GRIK2: variants seen among roughly 807,000 people sequenced by gnomAD.
GRIK2 encodes glutamate ionotropic receptor kainate type subunit 2.
Under a neutral mutation model 100.3 loss-of-function variants are expected in GRIK2, and 32 were observed. That is an observed-to-expected ratio of 0.32 (90% CI 0.24 to 0.43). The LOEUF is 0.43. GRIK2 is among the 20% of genes least tolerant of loss of function. The pLI is 1.00. For synonymous variants in GRIK2, 417 were observed against 389.4 expected (o/e 1.07, Z -0.83); for missense variants, 843 against 1,114.9 (o/e 0.76, Z 3.47).
intron 10 of GRIK2, among the ~76,000 whole-genome samples, chr6:101,827,751 T>A (rs945584205): frequency 4.6e-5 from 7 of 152,004 alleles, no homozygotes; most frequent in African/African-American, 7.2e-5. Flanking sequence ...TAAATGCATA[T>A]GTATTCAATA....
chr6:101,914,309 G>A (rs947768474), intron 12 of GRIK2, among the ~76,000 whole-genome samples: 1 of 151,376 alleles, frequency 6.6e-6, no homozygotes, highest in Admixed American at 6.6e-5. Context: ...GGTATGGAGA[G>A]CATGATCAAT....
At chr6:101,801,482 T>C (rs1780665446) in intron 8 of GRIK2, among the ~76,000 whole-genome samples, 1 of 152,042 alleles carries the variant, frequency 6.6e-6, no homozygotes, top group African/African-American at 2.4e-5. Flanking sequence ...TTTAGTAATA[T>C]TAATTTCAAA....
chr6:101,910,092 T>G (rs187675437), intron 12 of GRIK2, among the ~76,000 whole-genome samples: 1 of 151,266 alleles, frequency 6.6e-6, no homozygotes, highest in Admixed American at 6.6e-5. Flanking sequence ...CAGAATCACT[T>G]AAATTATTTT....
chr6:101,572,891 C>T (rs558825032), intron 2 of GRIK2, among the ~76,000 whole-genome samples: 4 of 150,818 alleles, frequency 2.7e-5, no homozygotes, highest in African/African-American at 7.3e-5. Flanking sequence ...CATCCAGGCC[C>T]AGGCTGCACT....
Position 102,062,556 on chromosome 6 carries a change from T to C in GRIK2, c.2563-5791T>C, listed in dbSNP as rs891900391. 4.6e-5 allele frequency among the ~76,000 whole-genome samples: 7 copies of C among 150,762 alleles called. No homozygotes were observed. In the East Asian group the frequency reaches 1.4e-3, roughly 29 times the overall value. The stretch of plus-strand genomic sequence containing the variant: ...TGCTACATGTAAAGTTTCTTTTGAC[T>C]GCTGAATAGCTTATGTAAATAATAA... On this transcript the variant is annotated intron_variant, in intron 16 of 16. Coordinates refer to ENST00000369134, the MANE Select transcript of GRIK2 (RefSeq NM_021956.5).
intron 2 of GRIK2, among the ~76,000 whole-genome samples, chr6:101,567,542 T>C (rs1317250321): frequency 2.0e-5 from 3 of 151,982 alleles, no homozygotes; most frequent in Non-Finnish European, 4.4e-5. Flanking sequence ...AACTTCACAT[T>C]CTGGGCAAAT....
intron 10 of GRIK2, among the ~76,000 whole-genome samples, chr6:101,823,034 C>A (rs1782055655): frequency 6.6e-6 from 1 of 152,152 alleles, no homozygotes. Flanking sequence ...AGATGTGCCT[C>A]CAAATATCTA....
intron 11 of GRIK2, among the ~76,000 whole-genome samples, chr6:101,866,094 G>A (rs756819203): frequency 1.3e-5 from 2 of 152,018 alleles, no homozygotes; most frequent in African/African-American, 4.8e-5. Flanking sequence ...TGTTAACTTT[G>A]CTTCAAGTGT....
chr6:101,846,592 G>A (rs1053399704), intron 10 of GRIK2, among the ~76,000 whole-genome samples: 1 of 152,066 alleles, frequency 6.6e-6, no homozygotes, highest in Non-Finnish European at 1.5e-5. Context: ...AAGGATTGGT[G>A]TTGAATTTTC....
intron 2 of GRIK2, among the ~76,000 whole-genome samples, chr6:101,586,912 A>AAG (rs1419600637): frequency 2.5e-4 from 38 of 149,350 alleles, no homozygotes; most frequent in Admixed American, 6.7e-4. Flanking sequence ...AAAAAAAAAA[A>AAG]AGAGAGATAT....
chr6:101,776,937 G>T (rs975186050), intron 7 of GRIK2, among the ~76,000 whole-genome samples: 10 of 152,158 alleles, frequency 6.6e-5, no homozygotes, highest in African/African-American at 2.4e-4. Flanking sequence ...TTCTAAACTG[G>T]TTCCTTGTTC....
At chr6:101,989,549 ATTAG>A (rs10594811) in intron 14 of GRIK2, among the ~76,000 whole-genome samples, 115,781 of 150,536 alleles carry the variant, frequency 0.77, 44,677 homozygotes, top group South Asian at 0.81. Flanking sequence ...AAGCAGAAAA[ATTAG>A]TTAGTTAATT....
chr6:101,763,858 C>T (rs1353097404), intron 7 of GRIK2, among the ~76,000 whole-genome samples: 1 of 151,068 alleles, frequency 6.6e-6, no homozygotes, highest in Non-Finnish European at 1.5e-5. Flanking sequence ...TTTCCTGGGC[C>T]CTGCAAATTA....
At chr6:101,794,606 A>G (rs1417538638) in intron 7 of GRIK2, among the ~76,000 whole-genome samples, 1 of 151,228 alleles carries the variant, frequency 6.6e-6, no homozygotes, top group African/African-American at 2.4e-5. Flanking sequence ...CTATCTCTTT[A>G]TGGAACTTTT....
intron 12 of GRIK2, among the ~76,000 whole-genome samples, chr6:101,894,756 C>A (rs1340290): frequency 0.12 from 18,083 of 151,548 alleles, 1,188 homozygotes; most frequent in Middle Eastern, 0.21. Flanking sequence ...AAAATGACTC[C>A]ATTAAAATTC....
intron 9 of GRIK2, 112 bp downstream of exon 9, chr6:101,802,550 C>A: frequency 2.3e-6 from 1 of 430,088 alleles, no homozygotes; most frequent in Non-Finnish European, 4.2e-6. Context: ...TTGAGTAACT[C>A]TAAAAATAAA....
intron 15 of GRIK2, 40 bp downstream of exon 15, chr6:102,035,606 C>G: frequency 8.2e-7 from 1 of 1,215,614 alleles, no homozygotes; most frequent in East Asian, 2.3e-5. Flanking sequence ...GTTCATTAAT[C>G]TGAGTTGCTG....
intron 7 of GRIK2, among the ~76,000 whole-genome samples, chr6:101,747,348 G>A (rs1036183983): frequency 1.4e-4 from 21 of 152,208 alleles, no homozygotes; most frequent in African/African-American, 4.8e-4. Context: ...GTTGTCAGCA[G>A]GTGTGATAAG....
chr6:101,629,895 C>T (rs773445191), intron 4 of GRIK2, among the ~76,000 whole-genome samples: 13 of 152,000 alleles, frequency 8.6e-5, no homozygotes, highest in Non-Finnish European at 1.6e-4. Context: ...TCTCCAGTGT[C>T]TATTTTTTCC....
Sources: gnomAD v4.1 joint callset for allele counts (sites outside exome capture counted in the v4.1 genomes callset) on GRCh38, gnomAD v4.1.1 for gene constraint, MANE v1.5 for transcripts, NCBI Gene and HGNC (gene_info 2026-07-23, HGNC 2026-07-21) for gene names.